The following MICAL2 variants were observed in gnomAD, a reference collection of about 807,000 sequenced individuals.
MICAL2 encodes [F-actin]-monooxygenase MICAL2.
A neutral mutation model predicts 127.3 loss-of-function variants in MICAL2; 77 were observed. That is an observed-to-expected ratio of 0.60 (90% CI 0.50 to 0.73). MICAL2 has a LOEUF of 0.73. Ranked by LOEUF, MICAL2 falls within the 30% of genes least tolerant of loss-of-function variation. MICAL2 has a pLI of 0.00. For missense variants in MICAL2, 1,351 were observed against 1,434.4 expected, an observed-to-expected ratio of 0.94 and a Z score of 0.94; for synonymous variants, 570 against 551.1, an observed-to-expected ratio of 1.03 and a Z score of -0.48.
rs769329735 is a variant in MICAL2, at chr11:12,227,129, C to G, written c.1993C>G (p.Arg665Gly). The change falls in exon 15 of 28, where the codon CGG becomes GGG. Residue 665 changes from arginine (R) to glycine (G), a missense_variant and splice_region_variant. This residue lies in a region of MICAL2 where 752 missense variants were observed against 719.4 expected (regional missense o/e 1.05). Transcript: ENST00000683283. ...CACATTTCCAAGGAAGAGGACTCCACGGGTAAGTTTTGGCCTGGTTTCGGT... is the reference window on the plus strand; with the variant it reads ...CACATTTCCAAGGAAGAGGACTCCAGGGGTAAGTTTTGGCCTGGTTTCGGT... ...NLTFPRKRTPRVDGQTGENDM... is the reference protein window; with the variant it reads ...NLTFPRKRTPGVDGQTGENDM... 1.2e-6 allele frequency: 2 copies of G among 1,610,514 alleles called. No homozygotes were observed. The highest frequency in any genetic ancestry group is 1.7e-4 in the Middle Eastern group (1 of 6,060).
At chr11:12,324,213 T>A in intron 31 of MICAL2, 3 of 1,001,798 alleles carry the variant, frequency 3.0e-6, no homozygotes, top group Non-Finnish European at 4.2e-6. Context: ...GGAACCAGAT[T>A]TGTGGCCGTT....
chr11:12,113,860 C>A (rs972198871), intron 1 of MICAL2, among the ~76,000 whole-genome samples: 1 of 152,046 alleles, frequency 6.6e-6, no homozygotes, highest in African/African-American at 2.4e-5. Context: ...CAGTACTTAC[C>A]CTTTCTCACC....
chr11:12,112,793 T>G (rs1053921557), intron 1 of MICAL2, among the ~76,000 whole-genome samples: 4 of 152,092 alleles, frequency 2.6e-5, no homozygotes, highest in Non-Finnish European at 5.9e-5. Context: ...CATTATACTT[T>G]AGTATAAATC....
intron 15 of MICAL2, 32 bp from the exon 16 acceptor site, chr11:12,236,145 C>G: frequency 6.2e-7 from 1 of 1,602,788 alleles, no homozygotes; most frequent in Non-Finnish European, 8.5e-7. Flanking sequence ...TGGTGGCCCC[C>G]AGAGCTCACC....
At chr11:12,243,685 G>A (rs959135785) in intron 20 of MICAL2, among the ~76,000 whole-genome samples, 4 of 152,226 alleles carry the variant, frequency 2.6e-5, no homozygotes, top group South Asian at 2.1e-4. Flanking sequence ...CAAGCTCCAG[G>A]GTGAGGGCTT....
At chr11:12,175,530 T>C (rs1439359753) in intron 3 of MICAL2, among the ~76,000 whole-genome samples, 6 of 151,988 alleles carry the variant, frequency 3.9e-5, no homozygotes, top group Non-Finnish European at 7.4e-5. Flanking sequence ...GTTTATGTTC[T>C]TATCAGTGAG....
chr11:12,284,023 G>A (rs1452809276), intron 2 of MICAL2, among the ~76,000 whole-genome samples: 1 of 152,180 alleles, frequency 6.6e-6, no homozygotes, highest in Non-Finnish European at 1.5e-5. Flanking sequence ...TTGACACAGT[G>A]GACCATGTTC....
intron 3 of MICAL2, among the ~76,000 whole-genome samples, chr11:12,188,210 A>G (rs887088023): frequency 1.3e-5 from 2 of 152,224 alleles, no homozygotes; most frequent in East Asian, 1.9e-4. Flanking sequence ...GATACTTTTT[A>G]TATTGATTAC....
chr11:12,310,311 C>T (rs1864159075), intron 29 of MICAL2, among the ~76,000 whole-genome samples: 1 of 152,096 alleles, frequency 6.6e-6, no homozygotes, highest in African/African-American at 2.4e-5. Context: ...TAGTTTCAGG[C>T]CTTAAATTCA....
downstream of MICAL2, chr11:12,294,691 C>T (rs779878890): frequency 8.1e-6 from 13 of 1,614,074 alleles, no homozygotes; most frequent in South Asian, 1.1e-5. Context: ...GAAAGGACAT[C>T]AGGGACCTCT....
intron 32 of MICAL2, among the ~76,000 whole-genome samples, chr11:12,337,749 T>G (rs1007765034): frequency 1.4e-4 from 21 of 152,246 alleles, no homozygotes; most frequent in African/African-American, 5.1e-4. Context: ...TCAGTTTCCA[T>G]GTAGTTGAGT....
At chr11:12,280,210 G>A (rs1863757687) in intron 1 of MICAL2, among the ~76,000 whole-genome samples, 1 of 152,046 alleles carries the variant, frequency 6.6e-6, no homozygotes, top group Admixed American at 6.6e-5. Context: ...GGGGAAGAGA[G>A]CAGTATTTAA....
chr11:12,360,108 CT>C (rs749473057), downstream of MICAL2, among the ~76,000 whole-genome samples: 2 of 143,198 alleles, frequency 1.4e-5, no homozygotes, highest in African/African-American at 2.7e-5. Flanking sequence ...TCCTTCCTTC[CT>C]TTTTTTTTTT....
At chr11:12,296,113 T>C (rs1863982650), downstream of MICAL2, among the ~76,000 whole-genome samples, 1 of 151,922 alleles carries the variant, frequency 6.6e-6, no homozygotes, top group Non-Finnish European at 1.5e-5. Flanking sequence ...CTCTCCTCCT[T>C]GCCAAAGTTT....
intron 29 of MICAL2, among the ~76,000 whole-genome samples, chr11:12,304,651 C>CATAA (rs200568927): frequency 7.0e-6 from 1 of 143,812 alleles, no homozygotes; most frequent in Non-Finnish European, 1.5e-5. Flanking sequence ...CACACACACA[C>CATAA]ACACACACAC....
intron 3 of MICAL2, among the ~76,000 whole-genome samples, chr11:12,203,904 T>G (rs181399264): frequency 6.6e-6 from 1 of 152,092 alleles, no homozygotes; most frequent in Non-Finnish European, 1.5e-5. Context: ...ATGAGGAGAG[T>G]AGTAGACCCA....
chr11:12,284,461 C>G (rs959107441), intron 2 of MICAL2, among the ~76,000 whole-genome samples: 3 of 152,118 alleles, frequency 2.0e-5, no homozygotes, highest in African/African-American at 7.2e-5. Flanking sequence ...GAAGTCATTA[C>G]TACCCACCCT....
intron 29 of MICAL2, among the ~76,000 whole-genome samples, chr11:12,317,821 G>T (rs1353964968): frequency 6.6e-6 from 1 of 151,882 alleles, no homozygotes; most frequent in East Asian, 1.9e-4. Flanking sequence ...AGAATGGTTG[G>T]TTCTGTAATG....
At chr11:12,156,964 G>C (rs549816507) in intron 2 of MICAL2, among the ~76,000 whole-genome samples, 79 of 152,382 alleles carry the variant, frequency 5.2e-4, no homozygotes, top group African/African-American at 1.9e-3. Context: ...AGCTGGGAGA[G>C]GGTAAGTTTG....
Sources: allele counts gnomAD v4.1 joint callset (sites outside exome capture counted in the v4.1 genomes callset), GRCh38; gene constraint gnomAD v4.1.1; regional missense constraint gnomAD v4.1.1; transcripts MANE v1.5; gene names NCBI Gene and HGNC (gene_info 2026-07-23, HGNC 2026-07-21).